MYH14: variants seen among roughly 807,000 people sequenced by gnomAD.
MYH14 encodes the protein myosin-14.
Under a neutral mutation model 255.5 loss-of-function variants are expected in MYH14, and 123 were observed. That is an observed-to-expected ratio of 0.48 (90% CI 0.42 to 0.56). MYH14 has a LOEUF of 0.56. MYH14 is among the 20% of genes least tolerant of loss of function. The pLI, the probability that MYH14 is intolerant of heterozygous loss-of-function variation, is 0.00. For missense variants in MYH14, 2,423 were observed against 2,802.3 expected, an observed-to-expected ratio of 0.86 and a Z score of 3.06; for synonymous variants, 1,095 against 1,161.2, an observed-to-expected ratio of 0.94 and a Z score of 1.16.
Position 50,217,678 on chromosome 19 carries a change from G to T in MYH14, c.469G>T (p.Ala157Ser). The change falls in exon 3 of 43, where the codon GCC becomes TCC. Residue 157 changes from alanine to serine, a missense_variant. Physicochemically the swap from Ala to Ser is moderately conservative, Grantham distance 99. This residue lies in a region of MYH14 where 238 missense variants were observed against 245.8 expected (regional missense o/e 0.97). Coordinates refer to ENST00000642316, the MANE Select transcript of MYH14 (RefSeq NM_001145809.2). Reference protein sequence around the residue: ...PYKQLPIYTEAIVEMYRGKKR... With the variant: ...PYKQLPIYTESIVEMYRGKKR... ...CAAGCAGCTTCCCATCTACACAGAA[G>T]CCATTGTGGAGATGTACCGGGGCAA... The T allele has an allele frequency of 1.2e-6, 2 of 1,614,008 alleles. No individual in the cohort carries two copies. The highest frequency in any genetic ancestry group is 1.7e-6 in the Non-Finnish European group (2 of 1,179,906).
chr19:50,265,094 T>A (rs900765306), intron 22 of MYH14, among the ~76,000 whole-genome samples: 1 of 152,226 alleles, frequency 6.6e-6, no homozygotes, highest in African/African-American at 2.4e-5. Flanking sequence ...ACCATGGAGC[T>A]CACAGTCTGG....
chr19:50,260,862 C>T (rs1194822054), intron 20 of MYH14, 147 bp downstream of exon 20: 2 of 669,068 alleles, frequency 3.0e-6, no homozygotes, highest in Non-Finnish European at 5.4e-6. Flanking sequence ...TGTGTGCATG[C>T]ATATGTGTGC....
chr19:50,260,225 A>G (rs2034771903), intron 19 of MYH14, among the ~76,000 whole-genome samples: 2 of 152,180 alleles, frequency 1.3e-5, no homozygotes, highest in African/African-American at 4.8e-5. Context: ...TCAGGAGTTC[A>G]AGACAGCCTG....
At chr19:50,258,760 AC>A (rs142141470) in intron 18 of MYH14, 28 of 166,558 alleles carry the variant, frequency 1.7e-4, no homozygotes, top group African/African-American at 4.8e-4. Flanking sequence ...AAACAAACAA[AC>A]AAAAACCAAA....
rs570597501 is a variant in MYH14, at chr19:50,269,044, T to C, written c.3033+677T>C. ...AAACTAGATTCACATGGCCAAGTTG[T>C]TCCAAACATGCTTAAAAGCTTTTCA... On this transcript the variant is annotated intron_variant, in intron 24 of 42. Transcript: ENST00000642316. Among the ~76,000 whole-genome samples, 135 of 152,052 alleles carry C rather than the reference T, an allele frequency of 8.9e-4. 3 individuals are homozygous for C. The South Asian group carries it at 0.027, about 31-fold the overall frequency.
At chr19:50,296,873 A>G (rs1274615646) in intron 39 of MYH14, among the ~76,000 whole-genome samples, 4 of 80,080 alleles carry the variant, frequency 5.0e-5, no homozygotes, top group Non-Finnish European at 6.6e-5. Context: ...TTCAACAGCA[A>G]CGTTTTAAAA....
intron 22 of MYH14, 107 bp downstream of exon 22, chr19:50,263,527 A>G (rs2034967261): frequency 5.9e-6 from 4 of 672,716 alleles, no homozygotes; most frequent in Non-Finnish European, 9.3e-6. Context: ...TTTCTGCATC[A>G]CTAAAATGGG....
rs2032832856 is a variant in MYH14, at chr19:50,221,794, C to G, written c.563-1289C>G. Among the ~76,000 whole-genome samples the G allele has an allele frequency of 6.6e-6, 1 of 152,034 alleles. No individual in the cohort carries two copies. Among genetic ancestry groups the G allele is most frequent in the Non-Finnish European group, 1.5e-5 (1 of 68,008 alleles). On this transcript the variant is annotated intron_variant, in intron 3 of 42. Transcript: ENST00000642316. This position sits in a 1 kb window ranked among gnomAD's most constrained non-coding sequence, Gnocchi z 5.3. ...GTCCAGCCTAATCGCTGCTTTAAAA[C>G]CCATCCCACCACTCGCCATCTCTGC... is the stretch of plus-strand genomic sequence containing the variant.
At position 50,249,179 on chromosome 19, in the gene MYH14, C is replaced by T. The variant is rs1252381444; in HGVS notation, c.1482+40C>T. On this transcript the variant is annotated intron_variant, in intron 13 of 42. Coordinates refer to ENST00000642316, the MANE Select transcript of MYH14 (RefSeq NM_001145809.2). ...TGGGAGGGGGATGCCAACTTCCTCA[C>T]TCCGGTCCTGGTCCTTTCTGAAGCC... 3.9e-6 allele frequency: 6 copies of T among 1,529,794 alleles called. No homozygotes were observed. The East Asian group carries it at 9.7e-5, about 25-fold the overall frequency. The allele number at this position is 1,529,794 out of a possible 1,614,324, so 94.8% of individuals were successfully genotyped here.
intron 24 of MYH14, among the ~76,000 whole-genome samples, chr19:50,270,937 G>A (rs1245739622): frequency 3.3e-5 from 5 of 152,086 alleles, no homozygotes; most frequent in South Asian, 4.1e-4. Flanking sequence ...CTCGTGATCC[G>A]CCTGCCTTGG....
At chr19:50,262,995 T>C (rs1308250924) in intron 21 of MYH14, among the ~76,000 whole-genome samples, 4 of 150,964 alleles carry the variant, frequency 2.6e-5, no homozygotes, top group Non-Finnish European at 4.4e-5. Flanking sequence ...AGGTGGGGAG[T>C]TGGAGAGCAG....
chr19:50,293,482 C>T lies in MYH14; in HGVS notation c.5346-82C>T. 1.3e-6 allele frequency: 2 copies of T among 1,580,466 alleles called. No individual in the cohort carries two copies. Among genetic ancestry groups the T allele is most frequent in the Non-Finnish European group, 1.7e-6 (2 of 1,162,632 alleles). On this transcript the variant is annotated intron_variant, in intron 38 of 42. Coordinates refer to ENST00000642316, the MANE Select transcript of MYH14 (RefSeq NM_001145809.2). This position sits in a 1 kb window ranked among gnomAD's most constrained non-coding sequence, Gnocchi z 4.1. ...AGGCTGGGGAGATGCGTGGGGCTAA[C>T]CACAGGGTCCTGTAGTGTGAGGCAA...
chr19:50,299,738 A>G (rs1411252857), intron 39 of MYH14, among the ~76,000 whole-genome samples: 1 of 152,016 alleles, frequency 6.6e-6, no homozygotes, highest in Admixed American at 6.6e-5. Flanking sequence ...TGAGGTCAGG[A>G]GTTTGAGACC....
intron 33 of MYH14, 78 bp from the exon 34 acceptor site, chr19:50,286,404 T>C (rs924021912): frequency 1.5e-6 from 2 of 1,326,094 alleles, no homozygotes; most frequent in Admixed American, 4.5e-5. Flanking sequence ...TGTTCCTGGC[T>C]GCTCCCTCTT....
chr19:50,283,147 T>C (rs2035781380), intron 33 of MYH14, among the ~76,000 whole-genome samples: 1 of 151,396 alleles, frequency 6.6e-6, no homozygotes, highest in African/African-American at 2.4e-5. Flanking sequence ...TGAGACAGAG[T>C]CTCGCTGTGT....
rs2035663103 is a variant in MYH14, at chr19:50,280,183, CCTT to C, written c.4137+43_4137+45del. 3 of 1,558,552 alleles carry C rather than the reference CCTT, an allele frequency of 1.9e-6. No homozygotes were observed. In the African/African-American group the frequency reaches 4.1e-5, roughly 21 times the overall value. On this transcript the variant is annotated intron_variant, in intron 31 of 42. Coordinates refer to ENST00000642316, the MANE Select transcript of MYH14 (RefSeq NM_001145809.2). The surrounding 1 kb of genome is among the most constrained non-coding windows in gnomAD (Gnocchi z 4.8). ...TTCGGCTCCACCGTCACCCTCCCCT[CCTT>C]GTCCTCCCAGCCACACCTGACATTG...
chr19:50,289,354 C>A, intron 34 of MYH14, 82 bp from the exon 35 acceptor site: 1 of 1,161,904 alleles, frequency 8.6e-7, no homozygotes, highest in South Asian at 1.3e-5. Context: ...CATCCTCCAT[C>A]AAATCTTCCC....
rs537967989 is a variant in MYH14 at position 50,236,541 on chromosome 19, C to G, written c.1114+4471C>G. Among the ~76,000 whole-genome samples, 3 of 151,650 alleles carry G rather than the reference C, an allele frequency of 2.0e-5. No individual in the cohort carries two copies. The South Asian group carries it at 6.3e-4, about 32-fold the overall frequency. On this transcript the variant is annotated intron_variant, in intron 10 of 42. Coordinates refer to ENST00000642316, the MANE Select transcript of MYH14 (RefSeq NM_001145809.2). ...TGACCAACATGGTGAAACCCTGTCT[C>G]TACTAAAAATACAAAAATTAGCTGG...
chr19:50,264,986 G>GCATT (rs1440940622), intron 22 of MYH14, among the ~76,000 whole-genome samples: 1 of 152,194 alleles, frequency 6.6e-6, no homozygotes, highest in Admixed American at 6.5e-5. Context: ...AGATCAGCCT[G>GCATT]CATTCCCTTG....
Sources: allele counts gnomAD v4.1 joint callset (sites outside exome capture counted in the v4.1 genomes callset), GRCh38; gene constraint gnomAD v4.1.1; regional missense constraint gnomAD v4.1.1; non-coding constraint Gnocchi (gnomAD v3.1); transcripts MANE v1.5; gene names NCBI Gene and HGNC (gene_info 2026-07-23, HGNC 2026-07-21).